CPNE4: variants seen among roughly 807,000 people sequenced by gnomAD.
The protein encoded by CPNE4 is copine 4.
In CPNE4, 25 loss-of-function variants were observed where a neutral mutation model predicts 67.9. The observed-to-expected ratio is 0.37, with a 90% CI of 0.27 to 0.51. The LOEUF is 0.51. Ranked by LOEUF, CPNE4 falls within the 20% of genes least tolerant of loss-of-function variation. The pLI, the probability that CPNE4 is intolerant of heterozygous loss-of-function variation, is 0.93. For synonymous variants in CPNE4, 242 were observed against 244.9 expected, an observed-to-expected ratio of 0.99 and a Z score of 0.11; for missense variants, 464 against 690.8, an observed-to-expected ratio of 0.67 and a Z score of 3.68.
At chr3:131,793,319 C>G (rs1292518852) in intron 2 of CPNE4, among the ~76,000 whole-genome samples, 1 of 152,130 alleles carries the variant, frequency 6.6e-6, no homozygotes, top group African/African-American at 2.4e-5. Flanking sequence ...TGGATTGTAT[C>G]ACATCACTCC....
At chr3:131,814,884 G>T (rs981612774) in intron 2 of CPNE4, among the ~76,000 whole-genome samples, 1 of 136,390 alleles carries the variant, frequency 7.3e-6, no homozygotes, top group Non-Finnish European at 1.5e-5. Context: ...GATTACAGGC[G>T]TGAGCCACCG....
intron 5 of CPNE4, among the ~76,000 whole-genome samples, chr3:131,689,999 CT>C (rs1250914308): frequency 6.6e-6 from 1 of 152,078 alleles, no homozygotes; most frequent in African/African-American, 2.4e-5. Context: ...TAAAAGATCT[CT>C]ACAAGGAAAA....
intron 5 of CPNE4, among the ~76,000 whole-genome samples, chr3:131,694,421 G>T (rs986520792): frequency 6.6e-6 from 1 of 152,018 alleles, no homozygotes; most frequent in African/African-American, 2.4e-5. Flanking sequence ...GTGGCAGTTT[G>T]CATTTTGTAA....
intron 1 of CPNE4, among the ~76,000 whole-genome samples, chr3:131,982,544 C>T (rs908206777): frequency 2.0e-4 from 30 of 152,166 alleles, no homozygotes; most frequent in African/African-American, 7.2e-4. Context: ...TTCTCATCCC[C>T]TTTACCAGGA....
intron 2 of CPNE4, among the ~76,000 whole-genome samples, chr3:131,769,654 T>C (rs2083113724): frequency 6.6e-6 from 1 of 152,102 alleles, no homozygotes; most frequent in Non-Finnish European, 1.5e-5. Flanking sequence ...TCAGAAAACC[T>C]CTTTCTTCAT....
At chr3:131,873,686 G>C (rs4107955) in intron 2 of CPNE4, among the ~76,000 whole-genome samples, 54,094 of 152,056 alleles carry the variant, frequency 0.36, 10,869 homozygotes, top group African/African-American at 0.54. Context: ...CTAATGCCCA[G>C]TCCCTGCCCC....
At chr3:131,990,414 ATGTG>A (rs1269600517) in intron 1 of CPNE4, among the ~76,000 whole-genome samples, 1 of 135,620 alleles carries the variant, frequency 7.4e-6, no homozygotes, top group Non-Finnish European at 1.7e-5. Flanking sequence ...TAAATGTTTT[ATGTG>A]TGTGTTATGT....
chr3:131,719,343 G>C (rs2081820549), intron 3 of CPNE4, among the ~76,000 whole-genome samples: 1 of 152,172 alleles, frequency 6.6e-6, no homozygotes, highest in Non-Finnish European at 1.5e-5. Context: ...ATAAAATGTA[G>C]ATAATGATTC....
chr3:131,915,046 CTG>C (rs778086443), intron 1 of CPNE4, among the ~76,000 whole-genome samples: 9 of 151,938 alleles, frequency 5.9e-5, no homozygotes, highest in Non-Finnish European at 8.8e-5. Flanking sequence ...ATAAAACACA[CTG>C]TTTTATTTAT....
intron 11 of CPNE4, among the ~76,000 whole-genome samples, chr3:131,556,866 G>T (rs886412731): frequency 6.6e-6 from 1 of 151,966 alleles, no homozygotes; most frequent in Non-Finnish European, 1.5e-5. Flanking sequence ...ATTTATTGAT[G>T]CATACAATGT....
chr3:131,628,867 TTTTTTGAAGGG>T (rs1220054081), intron 7 of CPNE4, among the ~76,000 whole-genome samples: 1,316 of 122,864 alleles, frequency 0.011, 3 homozygotes, highest in Middle Eastern at 0.046. Flanking sequence ...GATTCATTGA[TTTTTTGAAGGG>T]TTTTTTGTGT....
At chr3:131,671,879 C>CA (rs2080426921) in intron 6 of CPNE4, among the ~76,000 whole-genome samples, 1 of 151,960 alleles carries the variant, frequency 6.6e-6, no homozygotes, top group Admixed American at 6.6e-5. Context: ...TGACTGTAGT[C>CA]ACCATATTGT....
chr3:131,927,252 G>A (rs2070922129), intron 1 of CPNE4, among the ~76,000 whole-genome samples: 2 of 152,126 alleles, frequency 1.3e-5, no homozygotes, highest in African/African-American at 4.8e-5. Flanking sequence ...GCATCTGTCT[G>A]TCATCAAAGT....
At chr3:131,686,769 G>A (rs2080901738) in intron 5 of CPNE4, among the ~76,000 whole-genome samples, 1 of 152,138 alleles carries the variant, frequency 6.6e-6, no homozygotes, top group South Asian at 2.1e-4. Context: ...CTAGGTTTTT[G>A]TTCAGTTTCT....
intron 2 of CPNE4, among the ~76,000 whole-genome samples, chr3:131,855,612 C>CTCAT (rs1360568390): frequency 6.6e-6 from 1 of 151,974 alleles, no homozygotes; most frequent in African/African-American, 2.4e-5. Context: ...CTGTCTCACA[C>CTCAT]TCATTCCTTG....
intron 12 of CPNE4, 117 bp downstream of exon 12, chr3:131,555,380 G>C: frequency 1.2e-6 from 1 of 815,018 alleles, no homozygotes; most frequent in Non-Finnish European, 2.0e-6. Context: ...TTCTGACTCT[G>C]TAGGCCCTAC....
intron 1 of CPNE4, among the ~76,000 whole-genome samples, chr3:132,020,720 C>T (rs953354451): frequency 4.6e-5 from 7 of 152,076 alleles, no homozygotes; most frequent in African/African-American, 1.7e-4. Flanking sequence ...TTTTGGAAAC[C>T]AGTGGAAGTG....
intron 7 of CPNE4, chr3:131,620,414 T>C: frequency 1.0e-6 from 1 of 981,708 alleles, no homozygotes; most frequent in South Asian, 4.7e-5. Context: ...AGTGAGCCAT[T>C]TTCCTTGAGC....
chr3:132,012,549 G>T (rs2073793461), intron 1 of CPNE4, among the ~76,000 whole-genome samples: 1 of 152,130 alleles, frequency 6.6e-6, no homozygotes, highest in Non-Finnish European at 1.5e-5. Context: ...GGTACTGGGT[G>T]TGGGTGGGCA....
Sources: allele counts gnomAD v4.1 joint callset (sites outside exome capture counted in the v4.1 genomes callset), GRCh38; gene constraint gnomAD v4.1.1; transcripts MANE v1.5; gene names NCBI Gene and HGNC (gene_info 2026-07-23, HGNC 2026-07-21).